Variants in APOL5 observed in about 807,000 individuals in gnomAD.
APOL5 encodes apolipoprotein L5.
In APOL5, 29 loss-of-function variants were observed where a neutral mutation model predicts 35.5. The observed-to-expected ratio is 0.82, with a 90% CI of 0.61 to 1.11. The LOEUF is 1.11. Among genes scored for constraint, APOL5 ranks in the 50% most tolerant of loss-of-function variants. The probability of loss-of-function intolerance (pLI) is 0.00; values close to 1 mark genes in which losing one functional copy is unlikely to be tolerated. For missense variants in APOL5, 514 were observed against 530.4 expected (o/e 0.97, Z 0.30); for synonymous variants, 188 against 200.2 (o/e 0.94, Z 0.51).
chr22:35,726,661 C>G lies in APOL5; in HGVS notation c.593C>G (p.Ala198Gly), dbSNP rs1393945495. 5.0e-6 allele frequency: 8 copies of G among 1,614,080 alleles called. No homozygotes were observed. Among genetic ancestry groups the G allele is most frequent in the South Asian group, 4.4e-5 (4 of 91,078 alleles). ...NVLENRSNSA[A>G]RDKASRLGPL... ...TTAGAAAATAGAAGCAATTCAGCAG[C>G]AAGAGACAAAGCCAGCCGACTGGGG... The change falls in exon 3 of 5, where the codon GCA (alanine) becomes GGA (glycine). Residue 198 changes from alanine (A) to glycine (G), a missense_variant. Around this residue, in one of 3 missense-constraint regions of APOL5, gnomAD observed 254 missense variants for 254.7 expected, o/e 1.00. Coordinates refer to ENST00000249044, the MANE Select transcript of APOL5 (RefSeq NM_030642.1).
chr22:35,713,008 A>G (rs575290721), upstream of APOL5, among the ~76,000 whole-genome samples: 1 of 152,320 alleles, frequency 6.6e-6, no homozygotes, highest in Admixed American at 6.5e-5. Flanking sequence ...TTCACTGCCA[A>G]CCTGTACACC....
chr22:35,717,069 A>G (rs908220962), upstream of APOL5, among the ~76,000 whole-genome samples: 4 of 151,282 alleles, frequency 2.6e-5, no homozygotes, highest in African/African-American at 9.7e-5. Flanking sequence ...AGTGTCAGGC[A>G]CATGTACTTC....
chr22:35,728,939 A>G, intron 4 of APOL5, 35 bp downstream of exon 4: 1 of 1,542,162 alleles, frequency 6.5e-7, no homozygotes, highest in Non-Finnish European at 8.7e-7. Context: ...GAGCTGTGGG[A>G]ACCCCTGACA....
the APOL5 span, among the ~76,000 whole-genome samples, chr22:35,711,939 T>G: frequency 6.6e-6 from 1 of 152,080 alleles, no homozygotes; most frequent in African/African-American, 2.4e-5. Context: ...CCTCCTAAAG[T>G]GTTGGGATTA....
At chr22:35,721,235 T>TA (rs143506325) in intron 2 of APOL5, among the ~76,000 whole-genome samples, 1,635 of 151,860 alleles carry the variant, frequency 0.011, 28 homozygotes, top group African/African-American at 0.038. Flanking sequence ...AATATCTTAG[T>TA]AAAAAAAATG....
rs1310671971 is a variant in APOL5, at chr22:35,726,497, T to C, written c.429T>C (p.Ser143=). ...LLTKTSLVAS[S]SGAVSGVMNI... ...CCAAGACCAGCCTGGTGGCCAGCTC[T>C]TCCGGGGCTGTTTCTGGGGTCATGA... is the stretch of plus-strand genomic sequence containing the variant. Residue 143 remains serine (S), a synonymous_variant, in exon 3 of 5, where the codon TCT becomes TCC. Coordinates refer to ENST00000249044, the MANE Select transcript of APOL5 (RefSeq NM_030642.1). 14 of 1,614,200 alleles carry C rather than the reference T, an allele frequency of 8.7e-6. No homozygotes were observed. Among genetic ancestry groups the C allele is most frequent in the Middle Eastern group, 1.6e-4 (1 of 6,062 alleles).
At position 35,726,196 on chromosome 22, in the gene APOL5, C is replaced by A; in HGVS notation, c.143-15C>A. 1.2e-6 allele frequency: 2 copies of A among 1,600,206 alleles called. No individual in the cohort carries two copies. Among genetic ancestry groups the A allele is most frequent in the South Asian group, 1.1e-5 (1 of 90,450 alleles). ...TGCACACATTTTAGTGCTCAGATTG[C>A]CTAGATGTCTTTAGCCTCACTCGTG... On this transcript the variant is annotated splice_polypyrimidine_tract_variant and intron_variant, in intron 2 of 4. Transcript: ENST00000249044.
At position 35,727,295 on chromosome 22, in the gene APOL5, C is replaced by T; in HGVS notation, c.1126+101C>T. On this transcript the variant is annotated intron_variant, in intron 3 of 4. Transcript: ENST00000249044. Reference sequence around the variant, plus strand: ...GCTAAACGGACACATCAGTGCATAACTACAGCTGCCCCTTCTGCAAAGAGA... The same window carrying T: ...GCTAAACGGACACATCAGTGCATAATTACAGCTGCCCCTTCTGCAAAGAGA... 2.0e-6 allele frequency: 3 copies of T among 1,477,452 alleles called. No individual in the cohort carries two copies. In the South Asian group the frequency reaches 4.0e-5, roughly 20 times the overall value. 91.5% of individuals were successfully genotyped at this position (1,477,452 alleles called of 1,614,324 possible).
At chr22:35,715,159 A>G (rs1358461050), upstream of APOL5, among the ~76,000 whole-genome samples, 1 of 152,178 alleles carries the variant, frequency 6.6e-6, no homozygotes, top group Non-Finnish European at 1.5e-5. Flanking sequence ...AGCCCATTTC[A>G]TGGACAGACC....
chr22:35,719,050 G>A (rs973255472), intron 1 of APOL5, among the ~76,000 whole-genome samples: 8 of 80,810 alleles, frequency 9.9e-5, no homozygotes, highest in Middle Eastern at 6.0e-3. Flanking sequence ...CAGTGAGACC[G>A]TCTCAAAAAT....
At chr22:35,713,797 C>T (rs189671087), upstream of APOL5, among the ~76,000 whole-genome samples, 23 of 152,276 alleles carry the variant, frequency 1.5e-4, no homozygotes, top group Non-Finnish European at 3.2e-4. Context: ...CCACCTACAA[C>T]GGGAGATGCT....
rs1334547958 is a variant in APOL5 at position 35,728,732 on chromosome 22, C to T, written c.1136C>T (p.Ser379Leu). Residue 379 changes from serine to leucine, a missense_variant, in exon 4 of 5, where the codon TCA becomes TTA. Physicochemically the swap from Ser to Leu is moderately radical, Grantham distance 145 (BLOSUM62 -2). Around this residue, in one of 3 missense-constraint regions of APOL5, gnomAD observed 238 missense variants for 229.1 expected, o/e 1.04. Coordinates refer to ENST00000249044, the MANE Select transcript of APOL5 (RefSeq NM_030642.1). ...GACTCATGTTCCACAGGGTCTCGCT[C>T]ACCTCTCCCCTGGCCTGTTGTGGAG... The part of the protein sequence containing the change: ...SRVVKPEGSR[S>L]PLPWPVVEHQ... 3.1e-6 allele frequency: 5 copies of T among 1,612,162 alleles called. No individual in the cohort carries two copies. Among genetic ancestry groups the T allele is most frequent in the East Asian group, 2.2e-5 (1 of 44,638 alleles).
At chr22:35,709,102 C>A in the APOL5 span, among the ~76,000 whole-genome samples, 1 of 152,060 alleles carries the variant, frequency 6.6e-6, no homozygotes, top group Admixed American at 6.6e-5. Flanking sequence ...TGGTGGTTAC[C>A]ATGGGTGGTG....
At chr22:35,710,594 G>A in the APOL5 span, among the ~76,000 whole-genome samples, 1 of 151,996 alleles carries the variant, frequency 6.6e-6, no homozygotes, top group Admixed American at 6.6e-5. Context: ...GTACAGGTCA[G>A]TGGCATTAGG....
chr22:35,720,998 G>A (rs979410881), intron 2 of APOL5, among the ~76,000 whole-genome samples: 5 of 151,980 alleles, frequency 3.3e-5, no homozygotes, highest in African/African-American at 4.8e-5. Flanking sequence ...CACCCGCCTC[G>A]GCCTCCCAAT....
intron 2 of APOL5, 25 bp downstream of exon 2, chr22:35,720,679 T>G (rs754559059): frequency 3.3e-6 from 5 of 1,500,058 alleles, no homozygotes; most frequent in Admixed American, 1.7e-5. Context: ...CAGGCTGTTA[T>G]GCTTATGGCC....
At chr22:35,723,500 C>CT (rs1351509626) in intron 2 of APOL5, among the ~76,000 whole-genome samples, 1 of 152,174 alleles carries the variant, frequency 6.6e-6, no homozygotes, top group Non-Finnish European at 1.5e-5. Context: ...AATGGTGATT[C>CT]TTTTTTCGAA....
At chr22:35,720,709 C>T in intron 2 of APOL5, 55 bp downstream of exon 2, 1 of 1,273,532 alleles carries the variant, frequency 7.9e-7, no homozygotes, top group Non-Finnish European at 1.1e-6. Context: ...GCATCCAAAA[C>T]AGTGTCTGTC....
rs1927265781 is a variant in APOL5, at chr22:35,728,765, C to T, written c.1169C>T (p.Pro390Leu). The T allele has an allele frequency of 6.2e-7, 1 of 1,613,562 alleles. No individual in the cohort carries two copies. The highest frequency in any genetic ancestry group is 8.5e-7 in the Non-Finnish European group (1 of 1,179,864). ...CCCTGGCCTGTTGTGGAGCACCAGCCTAGGCTGGGCCCTGGCGTGGCACTG... is the reference window on the plus strand; with the variant it reads ...CCCTGGCCTGTTGTGGAGCACCAGCTTAGGCTGGGCCCTGGCGTGGCACTG... ...PLPWPVVEHQ[P>L]RLGPGVALRT... Residue 390 changes from proline (P) to leucine (L), a missense_variant, in exon 4 of 5, where the codon CCT (proline) becomes CTT (leucine). Transcript: ENST00000249044.
Sources: allele counts gnomAD v4.1 joint callset (sites outside exome capture counted in the v4.1 genomes callset), GRCh38; gene constraint gnomAD v4.1.1; regional missense constraint gnomAD v4.1.1; transcripts MANE v1.5; gene names NCBI Gene and HGNC (gene_info 2026-07-23, HGNC 2026-07-21).